Variants in BMP1 observed in about 807,000 individuals in gnomAD.
BMP1 encodes mammalian tolloid protein.
BMP1 carries 63 observed loss-of-function variants against 116.8 expected under a neutral mutation model. The ratio of observed to expected loss-of-function variants is 0.54; its 90% CI spans 0.44 to 0.67. The LOEUF is 0.67. Ranked by LOEUF, BMP1 falls within the 30% of genes least tolerant of loss-of-function variation. The probability of loss-of-function intolerance (pLI) is 0.00; values close to 1 mark genes in which losing one functional copy is unlikely to be tolerated. For missense variants in BMP1, 1,183 were observed against 1,358.9 expected (o/e 0.87, Z 2.04); for synonymous variants, 536 against 533.4 (o/e 1.00, Z -0.07).
rs1432322581 is a variant in BMP1, at chr8:22,177,204, C to A, written c.730+65C>A. On this transcript the variant is annotated intron_variant, in intron 5 of 19. Coordinates refer to ENST00000306385, the MANE Select transcript of BMP1 (RefSeq NM_006129.5). ...CCCGCCCCAGCCCCCACCTCCAGGA[C>A]CCCTGGGGGCAGTGGCAGCCGCTCC... 4 of 1,460,830 alleles carry A rather than the reference C, an allele frequency of 2.7e-6. No individual in the cohort carries two copies. In the African/African-American group the frequency reaches 4.2e-5, roughly 15 times the overall value. 90.5% of individuals were successfully genotyped at this position (1,460,830 alleles called of 1,614,324 possible). A position where few individuals can be genotyped will look rare whatever the true frequency, so the allele number is the denominator to read the frequency against.
chr8:22,194,380 G>T lies in BMP1; in HGVS notation c.1298-65G>T. The T allele has an allele frequency of 1.3e-6, 2 of 1,592,610 alleles. No homozygotes were observed. The highest frequency in any genetic ancestry group is 1.7e-6 in the Non-Finnish European group (2 of 1,166,936). ...AGGGACTGGAGGAGTGGGGAAAAGA[G>T]CTCCCTAGCAGGGCAAAGCATGCTG... is the stretch of plus-strand genomic sequence containing the variant. On this transcript the variant is annotated intron_variant, in intron 10 of 19. Transcript: ENST00000306385. This position sits in a 1 kb window ranked among gnomAD's most constrained non-coding sequence, Gnocchi z 4.5.
rs1829060195 is a variant in BMP1, at chr8:22,195,590, G to A, written c.1765+3G>A. 2 of 1,611,358 alleles carry A rather than the reference G, an allele frequency of 1.2e-6. No individual in the cohort carries two copies. The highest frequency in any genetic ancestry group is 2.2e-5 in the South Asian group (2 of 90,928). On this transcript the variant is annotated splice_donor_region_variant and intron_variant, in intron 13 of 19. Coordinates refer to ENST00000306385, the MANE Select transcript of BMP1 (RefSeq NM_006129.5). ...CCCAGACAAGCGCCGCTGTGAGGGT[G>A]AGTGCCCCCAGACTGCCTCTGACCC... is the stretch of plus-strand genomic sequence containing the variant.
Position 22,176,330 on chromosome 8 carries a change from G to C in BMP1, c.433+17G>C. Reference sequence around the variant, plus strand: ...ACTTCACTGGTGAGCGTGCTATTGTGGGTCCCAGAGTGTAACCAGCTTCCG... The same window carrying C: ...ACTTCACTGGTGAGCGTGCTATTGTCGGTCCCAGAGTGTAACCAGCTTCCG... On this transcript the variant is annotated intron_variant, in intron 3 of 19. Coordinates refer to ENST00000306385, the MANE Select transcript of BMP1 (RefSeq NM_006129.5). 1 of 1,576,274 alleles carries C rather than the reference G, an allele frequency of 6.3e-7. No homozygotes were observed. Among genetic ancestry groups the C allele is most frequent in the South Asian group, 1.2e-5 (1 of 84,818 alleles).
intron 5 of BMP1, chr8:22,177,417 G>A (rs987845669): frequency 2.3e-5 from 15 of 655,380 alleles, no homozygotes; most frequent in East Asian, 1.8e-4. Flanking sequence ...GGTGGGGCAT[G>A]GGCATAGTGG....
Position 22,201,777 on chromosome 8 carries a change from G to A in BMP1, c.2108-26G>A, listed in dbSNP as rs79667642. ...AACCTCAGCCCTGCACAGACCCAGC[G>A]TCTGCCCTTATTTGCTCCCCTGCAG... On this transcript the variant is annotated intron_variant, in intron 15 of 19. Transcript: ENST00000306385. 2,960 of 1,611,568 alleles carry A rather than the reference G, an allele frequency of 1.8e-3. 48 individuals are homozygous for A. The African/African-American group carries it at 0.034, about 18-fold the overall frequency.
chr8:22,190,673 G>T (rs192641400), intron 8 of BMP1, among the ~76,000 whole-genome samples: 1 of 152,344 alleles, frequency 6.6e-6, no homozygotes, highest in African/African-American at 2.4e-5. Flanking sequence ...TATTCTGATA[G>T]GGCCCGTGTC....
At chr8:22,209,087 T>C (rs1198726548) in intron 18 of BMP1, among the ~76,000 whole-genome samples, 1 of 152,240 alleles carries the variant, frequency 6.6e-6, no homozygotes, top group Non-Finnish European at 1.5e-5. Context: ...GGCTTCTCTC[T>C]TGAAAATGGA....
intron 8 of BMP1, among the ~76,000 whole-genome samples, chr8:22,187,592 G>A (rs539547985): frequency 7.1e-6 from 1 of 141,552 alleles, no homozygotes; most frequent in African/African-American, 2.7e-5. Context: ...CTCATGATAC[G>A]CCCACCTCAG....
At chr8:22,209,760 C>G in intron 19 of BMP1, 65 bp downstream of exon 19, 1 of 1,551,512 alleles carries the variant, frequency 6.4e-7, no homozygotes, top group East Asian at 2.3e-5. Context: ...CTCCACCCTT[C>G]TCAGCCCAGT....
intron 1 of BMP1, chr8:22,171,094 G>C (rs529931141): frequency 4.6e-5 from 7 of 152,256 alleles, no homozygotes; most frequent in Non-Finnish European, 8.8e-5. Context: ...CACCTGGGAA[G>C]CATCTTCTGT....
intron 15 of BMP1, among the ~76,000 whole-genome samples, chr8:22,200,900 G>A (rs147262570): frequency 2.8e-4 from 42 of 152,182 alleles, no homozygotes; most frequent in African/African-American, 6.7e-4. Flanking sequence ...TCTCTGTCCC[G>A]TCGCTGTGCC....
At chr8:22,200,899 C>G (rs992574712) in intron 15 of BMP1, among the ~76,000 whole-genome samples, 1 of 152,150 alleles carries the variant, frequency 6.6e-6, no homozygotes, top group Non-Finnish European at 1.5e-5. Flanking sequence ...GTCTCTGTCC[C>G]GTCGCTGTGC....
At chr8:22,208,304 G>A (rs1402371357) in intron 18 of BMP1, among the ~76,000 whole-genome samples, 1 of 152,252 alleles carries the variant, frequency 6.6e-6, no homozygotes, top group Non-Finnish European at 1.5e-5. Flanking sequence ...TCACTTGCTT[G>A]TTTATTTAGC....
At chr8:22,206,228 A>G (rs980361353) in intron 16 of BMP1, among the ~76,000 whole-genome samples, 5 of 151,760 alleles carry the variant, frequency 3.3e-5, no homozygotes, top group Non-Finnish European at 7.4e-5. Context: ...TTAGCCAGGC[A>G]TAGTGGCTCA....
Position 22,179,105 on chromosome 8 carries a change from C to T in BMP1, c.837-600C>T, listed in dbSNP as rs1828538743. Reference sequence around the variant, plus strand: ...TGCCTCCCCTTCACTCTGCTCCTCCCAGTGCAAACACCCAGGATTCAGCAG... The same window carrying T: ...TGCCTCCCCTTCACTCTGCTCCTCCTAGTGCAAACACCCAGGATTCAGCAG... On this transcript the variant is annotated intron_variant, in intron 6 of 19. Transcript: ENST00000306385. The surrounding 1 kb of genome is among the most constrained non-coding windows in gnomAD (Gnocchi z 4.6). 6.6e-6 allele frequency among the ~76,000 whole-genome samples: 1 copy of T among 152,196 alleles called. No homozygotes were observed. The highest frequency in any genetic ancestry group is 1.5e-5 in the Non-Finnish European group (1 of 68,030).
Position 22,165,567 on chromosome 8 carries a change from G to A in BMP1, c.148+14G>A, listed in dbSNP as rs764228182. The A allele has an allele frequency of 2.5e-6, 4 of 1,571,770 alleles. No homozygotes were observed. In the Admixed American group the frequency reaches 5.6e-5, roughly 22 times the overall value. On this transcript the variant is annotated intron_variant, in intron 1 of 19. Transcript: ENST00000306385. ...CCTGCAAGGCGGGTGAGCGCCCCCCGGCCCCCCGGCGACGGGCCAGGCGGG... is the reference window on the plus strand; with the variant it reads ...CCTGCAAGGCGGGTGAGCGCCCCCCAGCCCCCCGGCGACGGGCCAGGCGGG...
At position 22,207,453 on chromosome 8, in the gene BMP1, T is replaced by C. The variant is rs1190191317; in HGVS notation, c.2512T>C (p.Phe838Leu). Residue 838 changes from phenylalanine to leucine, a missense_variant, in exon 18 of 20, where the codon TTC (phenylalanine) becomes CTC (leucine). Phe to Leu is a conservative substitution (Grantham distance 22). Transcript: ENST00000306385. ...CGTCCTGGCCACAGGCAGCCGCATG[T>C]TCCTGCGCTTCTACTCAGATAACTC... The part of the protein sequence containing the change: ...EPVLATGSRM[F>L]LRFYSDNSVQ... 3 of 1,614,122 alleles carry C rather than the reference T, an allele frequency of 1.9e-6. No individual in the cohort carries two copies. Among genetic ancestry groups the C allele is most frequent in the Non-Finnish European group, 1.7e-6 (2 of 1,180,038 alleles).
intron 16 of BMP1, among the ~76,000 whole-genome samples, chr8:22,206,046 G>T (rs1323954664): frequency 6.6e-6 from 1 of 152,200 alleles, no homozygotes; most frequent in Non-Finnish European, 1.5e-5. Context: ...CAGGCTGCTG[G>T]AGATCAGTGG....
chr8:22,196,905 C>CCTG lies in BMP1; in HGVS notation c.1926+68_1926+70dup, dbSNP rs1179614802. ...TGAGGCGTGGGCATTCAGCTCAGTG[C>CCTG]CTGCTTCCTGTCCTCTGAGAGGGGG... On this transcript the variant is annotated intron_variant, in intron 14 of 19. Coordinates refer to ENST00000306385, the MANE Select transcript of BMP1 (RefSeq NM_006129.5). 3 of 1,532,876 alleles carry CCTG rather than the reference C, an allele frequency of 2.0e-6. No individual in the cohort carries two copies. The African/African-American group carries it at 4.1e-5, about 21-fold the overall frequency. 95.0% of individuals were successfully genotyped at this position (1,532,876 alleles called of 1,614,324 possible).
Sources: allele counts gnomAD v4.1 joint callset (sites outside exome capture counted in the v4.1 genomes callset), GRCh38; gene constraint gnomAD v4.1.1; non-coding constraint Gnocchi (gnomAD v3.1); transcripts MANE v1.5; gene names NCBI Gene and HGNC (gene_info 2026-07-23, HGNC 2026-07-21).